IFT88: variants seen among roughly 807,000 people sequenced by gnomAD.
IFT88 encodes the protein intraflagellar transport protein 88 homolog.
In IFT88, 74 loss-of-function variants were observed where a neutral mutation model predicts 119.5. That is an observed-to-expected ratio of 0.62 (90% confidence interval 0.51 to 0.75). The LOEUF (loss-of-function observed/expected upper bound fraction) is 0.75, where lower values mean the gene tolerates loss of function less well. Ranked by LOEUF, IFT88 falls within the 30% of genes least tolerant of loss-of-function variation. The pLI, the probability that IFT88 is intolerant of heterozygous loss-of-function variation, is 0.00. For synonymous variants in IFT88, 279 were observed against 316.7 expected, an observed-to-expected ratio of 0.88 and a Z score of 1.26; for missense variants, 961 against 977.7, an observed-to-expected ratio of 0.98 and a Z score of 0.23.
chr13:20,625,887 C>G (rs761523760), intron 15 of IFT88, 38 bp downstream of exon 15: 6 of 1,071,226 alleles, frequency 5.6e-6, no homozygotes, highest in Middle Eastern at 3.0e-4. Flanking sequence ...AATTCCATAT[C>G]TTAATTGGTC....
At chr13:20,582,574 C>G (rs781246423) in intron 2 of IFT88, among the ~76,000 whole-genome samples, 36 of 151,844 alleles carry the variant, frequency 2.4e-4, no homozygotes, top group Non-Finnish European at 4.9e-4. Flanking sequence ...AGGAGAAAGA[C>G]AGGGGGATGG....
In IFT88 at chr13:20,641,320, A is replaced by T. The variant is rs148732064; in HGVS notation, c.1604A>T (p.Asp535Val). Residue 535 changes from aspartate (D) to valine (V), a missense_variant, in exon 18 of 26, where the codon GAT becomes GTT. By Grantham distance (152) the Asp-to-Val change is radical (BLOSUM62 -3). Coordinates refer to ENST00000351808, the MANE Select transcript of IFT88 (RefSeq NM_006531.5). ...GLTYEKLNRL[D>V]EALDCFLKLH... ...ACCTATGAGAAACTAAATCGGCTAG[A>T]TGAGGCTTTGGACTGTTTCCTGAAA... 2.6e-4 allele frequency: 412 copies of T among 1,611,034 alleles called. 4 individuals carry two copies. In the South Asian group the frequency reaches 3.0e-3, roughly 12 times the overall value.
chr13:20,615,866 G>T lies in IFT88; in HGVS notation c.1186G>T (p.Ala396Ser), dbSNP rs746974451. 1 of 1,603,360 alleles carries T rather than the reference G, an allele frequency of 6.2e-7. No homozygotes were observed. The highest frequency in any genetic ancestry group is 8.5e-7 in the Non-Finnish European group (1 of 1,173,312). Reference protein sequence around the residue: ...IAPVIETSFAAGYDWCVEVVK... With the variant: ...IAPVIETSFASGYDWCVEVVK... ...TCCTGTAATTGAAACATCTTTTGCT[G>T]CAGGTTATGATTGGTAAGAGAGAAA... Residue 396 changes from alanine to serine, a missense_variant, in exon 14 of 26, where the codon GCA becomes TCA. Ala to Ser is a moderately conservative substitution (Grantham distance 99). Coordinates refer to ENST00000351808, the MANE Select transcript of IFT88 (RefSeq NM_006531.5).
At chr13:20,661,893 G>A (rs758128515) in intron 22 of IFT88, among the ~76,000 whole-genome samples, 4 of 152,070 alleles carry the variant, frequency 2.6e-5, no homozygotes, top group Admixed American at 1.3e-4. Context: ...AGGAAATCCC[G>A]GGAATTGGAG....
In IFT88 at chr13:20,622,587, G is replaced by A. The variant is rs142373776; in HGVS notation, c.1200-3163G>A. On this transcript the variant is annotated intron_variant, in intron 14 of 25. Coordinates refer to ENST00000351808, the MANE Select transcript of IFT88 (RefSeq NM_006531.5). ...CAATTCCCTAATGACATATGATGTCGAGCATCTTTTCATGTACTTATTAGC... is the reference window on the plus strand; with the variant it reads ...CAATTCCCTAATGACATATGATGTCAAGCATCTTTTCATGTACTTATTAGC... Among the ~76,000 whole-genome samples, 297 of 152,248 alleles carry A rather than the reference G, an allele frequency of 2.0e-3. 4 individuals are homozygous for A. Among genetic ancestry groups the A allele is most frequent in the Admixed American group, 0.014 (219 of 15,292 alleles).
chr13:20,616,683 A>G (rs1243565879), intron 14 of IFT88, among the ~76,000 whole-genome samples: 1 of 152,248 alleles, frequency 6.6e-6, no homozygotes, highest in Non-Finnish European at 1.5e-5. Flanking sequence ...CTTACTGTAC[A>G]GTAAATACAT....
chr13:20,668,635 T>C (rs1198258288), intron 23 of IFT88, among the ~76,000 whole-genome samples: 2 of 152,018 alleles, frequency 1.3e-5, no homozygotes, highest in African/African-American at 2.4e-5. Context: ...CACAGGAGGA[T>C]GATGAAGGAG....
At chr13:20,630,659 A>G (rs2048072446) in intron 15 of IFT88, among the ~76,000 whole-genome samples, 1 of 152,086 alleles carries the variant, frequency 6.6e-6, no homozygotes, top group African/African-American at 2.4e-5. Flanking sequence ...GTGGCCTCCC[A>G]AAGTGCTGAG....
At chr13:20,663,371 G>A in intron 22 of IFT88, 127 bp from the exon 23 acceptor site, 1 of 1,531,098 alleles carries the variant, frequency 6.5e-7, no homozygotes, top group Non-Finnish European at 8.8e-7. Flanking sequence ...TATTTTTCAG[G>A]AGAAAAATAC....
intron 20 of IFT88, among the ~76,000 whole-genome samples, chr13:20,649,164 A>G (rs1031612845): frequency 7.9e-5 from 12 of 152,350 alleles, no homozygotes; most frequent in Admixed American, 1.3e-4. Context: ...TAAACCAGGT[A>G]GACCTAACAG....
chr13:20,571,962 T>G (rs2137865808), intron 1 of IFT88, among the ~76,000 whole-genome samples: 1 of 152,310 alleles, frequency 6.6e-6, no homozygotes, highest in South Asian at 2.1e-4. Context: ...TGACTCTGTT[T>G]TAGTTGGGTA....
At chr13:20,570,612 G>A (rs888733376) in intron 1 of IFT88, among the ~76,000 whole-genome samples, 1 of 152,174 alleles carries the variant, frequency 6.6e-6, no homozygotes, top group Non-Finnish European at 1.5e-5. Context: ...AGACACAAAA[G>A]GCTACATATT....
In IFT88 at chr13:20,597,625, T is replaced by G. The variant is rs549752274; in HGVS notation, c.594+506T>G. On this transcript the variant is annotated intron_variant, in intron 9 of 25. Coordinates refer to ENST00000351808, the MANE Select transcript of IFT88 (RefSeq NM_006531.5). ...CGGGTGTGGTGGCGGGCGCCTGTAG[T>G]CCCAGCTACTTGGGAGGCTGGAGCA... Among the ~76,000 whole-genome samples, 13 of 151,828 alleles carry G rather than the reference T, an allele frequency of 8.6e-5. No homozygotes were observed. The South Asian group carries it at 2.7e-3, about 32-fold the overall frequency.
At chr13:20,580,623 T>A (rs1051438115) in intron 2 of IFT88, among the ~76,000 whole-genome samples, 8 of 152,134 alleles carry the variant, frequency 5.3e-5, no homozygotes. Flanking sequence ...AGTGAAAAAA[T>A]TTATGCATAA....
intron 20 of IFT88, among the ~76,000 whole-genome samples, chr13:20,647,055 C>T (rs1013458862): frequency 6.6e-6 from 1 of 152,104 alleles, no homozygotes; most frequent in African/African-American, 2.4e-5. Context: ...ATTTCTCTCC[C>T]TCCTGTTTCT....
Position 20,663,694 on chromosome 13 carries a change from A to G in IFT88, c.2175+90A>G, listed in dbSNP as rs746102517. 1.2e-4 allele frequency: 109 copies of G among 907,110 alleles called. 2 individuals are homozygous for G. The highest frequency in any genetic ancestry group is 1.5e-4 in the Non-Finnish European group (88 of 595,070). 56.2% of individuals were successfully genotyped at this position (907,110 alleles called of 1,614,324 possible). ...AATGTGTGATGTTAGGAGCTTCTAT[A>G]AGAAAACAGAGTTGAAATTTTTTTC... On this transcript the variant is annotated intron_variant, in intron 23 of 25. Transcript: ENST00000351808.
chr13:20,668,798 C>A (rs1001041310), intron 23 of IFT88, among the ~76,000 whole-genome samples: 2 of 152,188 alleles, frequency 1.3e-5, no homozygotes, highest in Non-Finnish European at 2.9e-5. Context: ...ATTAGCGGAC[C>A]CATCCATGCA....
intron 1 of IFT88, among the ~76,000 whole-genome samples, chr13:20,571,707 G>T (rs749190002): frequency 3.3e-5 from 5 of 152,216 alleles, no homozygotes; most frequent in Non-Finnish European, 7.3e-5. Context: ...GAAGTGTCAT[G>T]TAGTGCTCTT....
chr13:20,577,293 T>G (rs2037567746), intron 2 of IFT88, among the ~76,000 whole-genome samples: 1 of 152,142 alleles, frequency 6.6e-6, no homozygotes, highest in African/African-American at 2.4e-5. Flanking sequence ...TATAAGATCA[T>G]ATCATCTATA....
Sources: allele counts gnomAD v4.1 joint callset (sites outside exome capture counted in the v4.1 genomes callset), GRCh38; gene constraint gnomAD v4.1.1; transcripts MANE v1.5; gene names NCBI Gene and HGNC (gene_info 2026-07-23, HGNC 2026-07-21).